Variants in KDM4C observed in about 807,000 individuals in gnomAD.
KDM4C encodes the protein lysine demethylase 4C, also known as lysine-specific demethylase 4C.
A neutral mutation model predicts 129.3 loss-of-function variants in KDM4C; 81 were observed. The ratio of observed to expected loss-of-function variants is 0.63; its 90% CI spans 0.52 to 0.75. The LOEUF is 0.75. KDM4C is among the 30% of genes least tolerant of loss of function. KDM4C has a pLI of 0.00. For missense variants in KDM4C, 1,457 were observed against 1,304.0 expected (o/e 1.12, Z -1.81); for synonymous variants, 573 against 456.1 (o/e 1.26, Z -3.26).
chr9:7,061,514 T>C (rs1174827025), intron 17 of KDM4C, among the ~76,000 whole-genome samples: 2 of 151,304 alleles, frequency 1.3e-5, no homozygotes, highest in South Asian at 4.2e-4. Flanking sequence ...GATAGTTAAC[T>C]TGAAATATTA....
upstream of KDM4C, among the ~76,000 whole-genome samples, chr9:6,755,452 G>C (rs372742028): frequency 6.6e-6 from 1 of 151,962 alleles, no homozygotes; most frequent in East Asian, 1.9e-4. Context: ...GAGGCACAAG[G>C]CACGAGAATT....
At chr9:6,897,059 C>G (rs1816580277) in intron 8 of KDM4C, among the ~76,000 whole-genome samples, 1 of 152,178 alleles carries the variant, frequency 6.6e-6, no homozygotes. Context: ...TAGCAAATTC[C>G]TGGATGTTTG....
chr9:6,749,275 TC>T (rs770116518), intron 1 of KDM4C, among the ~76,000 whole-genome samples: 13 of 152,206 alleles, frequency 8.5e-5, no homozygotes, highest in Non-Finnish European at 1.8e-4. Context: ...CACCTCAGCC[TC>T]CCAAAGTGCT....
intron 3 of KDM4C, among the ~76,000 whole-genome samples, chr9:6,808,430 C>T (rs955561717): frequency 2.7e-5 from 3 of 110,430 alleles, no homozygotes; most frequent in African/African-American, 1.3e-4. Flanking sequence ...GTGCTGTGTC[C>T]ACTCAGGGTT....
At chr9:7,044,857 A>T (rs1192169588) in intron 15 of KDM4C, among the ~76,000 whole-genome samples, 1 of 151,978 alleles carries the variant, frequency 6.6e-6, no homozygotes, top group Non-Finnish European at 1.5e-5. Context: ...ATAGTGAAAG[A>T]GAAGCCTGTT....
intron 1 of KDM4C, among the ~76,000 whole-genome samples, chr9:6,775,585 C>T (rs554506010): frequency 6.6e-6 from 1 of 152,058 alleles, no homozygotes; most frequent in East Asian, 1.9e-4. Context: ...CGCAGTGGCA[C>T]AATCTCGGCT....
chr9:7,024,311 T>C (rs1825410716), intron 15 of KDM4C, among the ~76,000 whole-genome samples: 1 of 151,590 alleles, frequency 6.6e-6, no homozygotes, highest in Non-Finnish European at 1.5e-5. Flanking sequence ...TAATTTTCTT[T>C]TCAAGGTGTT....
chr9:6,722,498 C>G (rs1486416225), intron 1 of KDM4C, among the ~76,000 whole-genome samples: 1 of 150,056 alleles, frequency 6.7e-6, no homozygotes, highest in African/African-American at 2.4e-5. Context: ...AGCAACATGG[C>G]AAAACCCTAT....
chr9:6,857,680 A>G (rs1840111511), intron 5 of KDM4C, among the ~76,000 whole-genome samples: 1 of 152,122 alleles, frequency 6.6e-6, no homozygotes, highest in South Asian at 2.1e-4. Context: ...TGATGATGAA[A>G]TTATGAACTG....
intron 17 of KDM4C, among the ~76,000 whole-genome samples, chr9:7,083,101 C>T (rs1834723944): frequency 6.6e-6 from 1 of 152,150 alleles, no homozygotes; most frequent in Non-Finnish European, 1.5e-5. Context: ...GGAACATTTC[C>T]TCCCCATTCT....
chr9:6,866,995 G>GTGTT (rs1842110660), intron 5 of KDM4C, among the ~76,000 whole-genome samples: 1 of 31,428 alleles, frequency 3.2e-5, no homozygotes, highest in African/African-American at 1.2e-4. Context: ...GTGTGTGTGT[G>GTGTT]TGTGTATATA....
intron 8 of KDM4C, among the ~76,000 whole-genome samples, chr9:6,957,600 A>G (rs984884993): frequency 2.6e-5 from 4 of 152,210 alleles, no homozygotes; most frequent in Admixed American, 6.5e-5. Context: ...TAAGAGATCA[A>G]ACGTGGAGGC....
chr9:6,976,646 G>T (rs1036670480), intron 8 of KDM4C, among the ~76,000 whole-genome samples: 1 of 152,164 alleles, frequency 6.6e-6, no homozygotes, highest in African/African-American at 2.4e-5. Flanking sequence ...GATCTAATGT[G>T]ATTTGATTGT....
chr9:7,115,630 C>CTT (rs1838813449), intron 18 of KDM4C, among the ~76,000 whole-genome samples: 1 of 152,172 alleles, frequency 6.6e-6, no homozygotes, highest in African/African-American at 2.4e-5. Context: ...ATTTTTAAGA[C>CTT]TATTAACTGC....
rs1027653784 is a variant in KDM4C at position 6,774,675 on chromosome 9, A to T, written c.-18+16472A>T. On this transcript the variant is annotated intron_variant, in intron 1 of 21. Transcript: ENST00000381309. ...GTGTTTAAAAAAAAAATTTTAACATAGCATTAAAATATTTTCTTGCAGATA... is the reference window on the plus strand; with the variant it reads ...GTGTTTAAAAAAAAAATTTTAACATTGCATTAAAATATTTTCTTGCAGATA... Among the ~76,000 whole-genome samples, 55 of 152,198 alleles carry T rather than the reference A, an allele frequency of 3.6e-4. 4 individuals are homozygous for T. Among genetic ancestry groups the T allele is most frequent in the Admixed American group, 6.5e-5 (1 of 15,276 alleles).
At chr9:7,090,542 C>G (rs1835674375) in intron 17 of KDM4C, among the ~76,000 whole-genome samples, 1 of 152,062 alleles carries the variant, frequency 6.6e-6, no homozygotes, top group African/African-American at 2.4e-5. Context: ...TTAATTTGGT[C>G]AGGTTTAAAA....
intron 17 of KDM4C, among the ~76,000 whole-genome samples, chr9:7,049,653 C>T (rs567807234): frequency 2.6e-5 from 4 of 152,120 alleles, no homozygotes; most frequent in South Asian, 2.1e-4. Context: ...TTTATTTTTA[C>T]GAAGATATTT....
intron 12 of KDM4C, among the ~76,000 whole-genome samples, chr9:7,007,545 C>T (rs182157097): frequency 6.6e-6 from 1 of 152,186 alleles, no homozygotes; most frequent in Non-Finnish European, 1.5e-5. Flanking sequence ...TATGAAGTTA[C>T]TGCTTGGCTT....
chr9:6,776,155 G>T (rs1822988642), intron 1 of KDM4C, among the ~76,000 whole-genome samples: 1 of 152,214 alleles, frequency 6.6e-6, no homozygotes, highest in African/African-American at 2.4e-5. Flanking sequence ...TGCGATCGTA[G>T]CTCACTGAAG....
Sources: gnomAD v4.1 joint callset for allele counts (sites outside exome capture counted in the v4.1 genomes callset) on GRCh38, gnomAD v4.1.1 for gene constraint, MANE v1.5 for transcripts, NCBI Gene and HGNC (gene_info 2026-07-23, HGNC 2026-07-21) for gene names.